The following RPS6KC1 variants were observed in gnomAD, a reference collection of about 807,000 sequenced individuals.
The protein encoded by RPS6KC1 is inactive ribosomal protein S6 kinase delta-1.
In RPS6KC1, 54 loss-of-function variants were observed where a neutral mutation model predicts 103.8. That is an observed-to-expected ratio of 0.52 (90% CI 0.42 to 0.65). The LOEUF (loss-of-function observed/expected upper bound fraction) is 0.65. Ranked by LOEUF, RPS6KC1 falls within the 30% of genes least tolerant of loss-of-function variation. The pLI is 0.00. For missense variants in RPS6KC1, 1,151 were observed against 1,253.8 expected (o/e 0.92, Z 1.24); for synonymous variants, 439 against 438.7 (o/e 1.00, Z -0.01).
At chr1:213,391,287 AGTGAGAC>A in the RPS6KC1 span, among the ~76,000 whole-genome samples, 1 of 152,146 alleles carries the variant, frequency 6.6e-6, no homozygotes, top group East Asian at 1.9e-4. Context: ...GGAGTTGATG[AGTGAGAC>A]GTGAGATGAG....
chr1:213,168,107 G>T (rs1297714975), intron 7 of RPS6KC1, 134 bp downstream of exon 7: 1 of 556,946 alleles, frequency 1.8e-6, no homozygotes, highest in East Asian at 3.1e-5. Context: ...AAGGTTGTTG[G>T]TAGAAAGAAA....
the RPS6KC1 span, among the ~76,000 whole-genome samples, chr1:213,780,065 A>T: frequency 6.6e-6 from 1 of 152,320 alleles, no homozygotes; most frequent in African/African-American, 2.4e-5. Flanking sequence ...AAACATTTAC[A>T]TGTAAATTTA....
the RPS6KC1 span, among the ~76,000 whole-genome samples, chr1:213,433,589 C>G: frequency 1.3e-5 from 2 of 152,148 alleles, no homozygotes; most frequent in African/African-American, 4.8e-5. Flanking sequence ...TTTACGTTGC[C>G]ATTATCAATT....
chr1:213,633,530 C>T, the RPS6KC1 span, among the ~76,000 whole-genome samples: 1 of 152,038 alleles, frequency 6.6e-6, no homozygotes, highest in African/African-American at 2.4e-5. Context: ...GCCTGCCTTA[C>T]AAGAGCTGCT....
the RPS6KC1 span, among the ~76,000 whole-genome samples, chr1:213,769,999 A>C: frequency 1.3e-5 from 2 of 152,146 alleles, no homozygotes; most frequent in Non-Finnish European, 2.9e-5. Flanking sequence ...TCGAGGTCCA[A>C]CACTGGGGAG....
chr1:213,516,441 G>C, the RPS6KC1 span, among the ~76,000 whole-genome samples: 22 of 152,252 alleles, frequency 1.4e-4, no homozygotes, highest in Non-Finnish European at 2.5e-4. Flanking sequence ...TAGCATGAAG[G>C]GTTGTTGAAT....
At chr1:213,438,272 CTATTGTCTGTTTT>C in the RPS6KC1 span, among the ~76,000 whole-genome samples, 1 of 152,048 alleles carries the variant, frequency 6.6e-6, no homozygotes, top group Admixed American at 6.6e-5. Context: ...GAGTCTGTTT[CTATTGTCTGTTTT>C]TTCTCCGTAG....
At chr1:213,621,405 C>T in the RPS6KC1 span, among the ~76,000 whole-genome samples, 2 of 122,564 alleles carry the variant, frequency 1.6e-5, no homozygotes, top group Non-Finnish European at 1.6e-5. Flanking sequence ...GCAGGGAAAG[C>T]AGGAGTTTGT....
At chr1:213,605,516 C>G in the RPS6KC1 span, among the ~76,000 whole-genome samples, 2 of 152,196 alleles carry the variant, frequency 1.3e-5, no homozygotes, top group African/African-American at 4.8e-5. Context: ...AAGACTTAAA[C>G]GACCCCACTG....
the RPS6KC1 span, among the ~76,000 whole-genome samples, chr1:213,574,498 G>A: frequency 6.6e-6 from 1 of 152,164 alleles, no homozygotes; most frequent in African/African-American, 2.4e-5. Context: ...GTCTCTATTA[G>A]CCTTGCTGAG....
the RPS6KC1 span, among the ~76,000 whole-genome samples, chr1:213,811,673 A>G: frequency 6.6e-6 from 1 of 152,322 alleles, no homozygotes; most frequent in African/African-American, 2.4e-5. Flanking sequence ...AGCATAAAAA[A>G]TTCTGGAGAC....
chr1:213,540,172 G>A, the RPS6KC1 span, among the ~76,000 whole-genome samples: 14 of 152,262 alleles, frequency 9.2e-5, no homozygotes, highest in African/African-American at 3.4e-4. Context: ...GAGTGCAGTG[G>A]TGCAATCATA....
chr1:213,355,191 T>C, the RPS6KC1 span, among the ~76,000 whole-genome samples: 2 of 151,476 alleles, frequency 1.3e-5, no homozygotes, highest in South Asian at 4.2e-4. Flanking sequence ...CACTCATGCC[T>C]GGGAGACAGA....
At chr1:213,730,621 T>G in the RPS6KC1 span, among the ~76,000 whole-genome samples, 1 of 152,196 alleles carries the variant, frequency 6.6e-6, no homozygotes, top group Non-Finnish European at 1.5e-5. Flanking sequence ...GGGTTGTTTG[T>G]TTTTTATTTC....
the RPS6KC1 span, among the ~76,000 whole-genome samples, chr1:213,687,613 G>T: frequency 3.9e-5 from 6 of 152,118 alleles, no homozygotes; most frequent in Admixed American, 2.6e-4. Flanking sequence ...GCCACACAAT[G>T]GTAGATGGGT....
At chr1:213,657,749 A>T in the RPS6KC1 span, among the ~76,000 whole-genome samples, 1 of 152,136 alleles carries the variant, frequency 6.6e-6, no homozygotes, top group Admixed American at 6.6e-5. Flanking sequence ...GGTTGGTGCT[A>T]TTTTTTGCTG....
chr1:213,474,564 T>C, the RPS6KC1 span, among the ~76,000 whole-genome samples: 13 of 152,332 alleles, frequency 8.5e-5, no homozygotes, highest in East Asian at 2.1e-3. Context: ...TAGGTATTTC[T>C]GTTTGGGTGC....
chr1:213,555,240 G>T, the RPS6KC1 span, among the ~76,000 whole-genome samples: 175 of 152,292 alleles, frequency 1.1e-3, 1 homozygote, highest in African/African-American at 4.1e-3. Context: ...TGCCACTGAA[G>T]AATCAGAACA....
At chr1:213,311,336 C>T in the RPS6KC1 span, among the ~76,000 whole-genome samples, 1 of 152,160 alleles carries the variant, frequency 6.6e-6, no homozygotes, top group African/African-American at 2.4e-5. Context: ...GACGGGGTTT[C>T]ACCGTGTTAG....
Sources: allele counts gnomAD v4.1 joint callset (sites outside exome capture counted in the v4.1 genomes callset), GRCh38; gene constraint gnomAD v4.1.1; transcripts MANE v1.5; gene names NCBI Gene and HGNC (gene_info 2026-07-23, HGNC 2026-07-21).